Variants in DLC1 observed in about 807,000 individuals in gnomAD.
DLC1 encodes the protein rho GTPase-activating protein 7.
Under a neutral mutation model 140.3 loss-of-function variants are expected in DLC1, and 54 were observed. That is an observed-to-expected ratio of 0.38 (90% confidence interval 0.31 to 0.48). The LOEUF is 0.48. DLC1 is among the 20% of genes least tolerant of loss of function. The pLI is 0.96. For missense variants in DLC1, 2,536 were observed against 1,907.0 expected, an observed-to-expected ratio of 1.33 and a Z score of -6.14; for synonymous variants, 986 against 728.1, an observed-to-expected ratio of 1.35 and a Z score of -5.70.
chr8:13,141,496 G>T (rs965881447), intron 5 of DLC1, among the ~76,000 whole-genome samples: 3 of 152,114 alleles, frequency 2.0e-5, no homozygotes, highest in African/African-American at 4.8e-5. Flanking sequence ...CAGTAAAAAA[G>T]AATGGACTCA....
At chr8:13,361,996 A>C (rs1050964412) in intron 4 of DLC1, among the ~76,000 whole-genome samples, 17 of 152,340 alleles carry the variant, frequency 1.1e-4, no homozygotes, top group Admixed American at 1.1e-3. Flanking sequence ...CAAAGAAATA[A>C]ATTCAAAAGT....
chr8:13,394,782 T>C (rs1245820208), intron 3 of DLC1, among the ~76,000 whole-genome samples: 1 of 152,164 alleles, frequency 6.6e-6, no homozygotes, highest in East Asian at 1.9e-4. Flanking sequence ...TTTAATACAG[T>C]AAGCTGGTGT....
At chr8:13,531,976 G>T (rs970388883) in intron 1 of DLC1, among the ~76,000 whole-genome samples, 2 of 152,278 alleles carry the variant, frequency 1.3e-5, no homozygotes, top group African/African-American at 4.8e-5. Flanking sequence ...AAGACTCTCC[G>T]CTCCCGGCAC....
At chr8:13,556,680 C>T (rs546037287) in intron 1 of DLC1, among the ~76,000 whole-genome samples, 2 of 152,278 alleles carry the variant, frequency 1.3e-5, no homozygotes, top group South Asian at 2.1e-4. Context: ...CCTGACAGGA[C>T]TGCTCTTTTC....
At chr8:13,177,159 A>G (rs1825801044) in intron 5 of DLC1, among the ~76,000 whole-genome samples, 1 of 152,208 alleles carries the variant, frequency 6.6e-6, no homozygotes, top group Admixed American at 6.5e-5. Context: ...ATTATGGGAC[A>G]ATGATATACC....
At chr8:13,523,214 A>C (rs1802813207) in intron 1 of DLC1, among the ~76,000 whole-genome samples, 2 of 152,216 alleles carry the variant, frequency 1.3e-5, no homozygotes, top group Non-Finnish European at 2.9e-5. Flanking sequence ...GATGATGGAT[A>C]GTGGCTCATG....
chr8:13,088,727 A>G (rs1817783481), intron 15 of DLC1, 23 bp from the exon 16 acceptor site: 2 of 1,612,518 alleles, frequency 1.2e-6, no homozygotes, highest in Admixed American at 1.7e-5. Flanking sequence ...TGTATTTTTC[A>G]GTGCCAAGGC....
chr8:13,241,353 G>A (rs976333873), intron 5 of DLC1, among the ~76,000 whole-genome samples: 5 of 152,104 alleles, frequency 3.3e-5, no homozygotes, highest in African/African-American at 9.7e-5. Context: ...CAAATGGGAG[G>A]CAACATCACA....
intron 2 of DLC1, among the ~76,000 whole-genome samples, chr8:13,479,760 C>T (rs1800602454): frequency 5.7e-5 from 1 of 17,554 alleles, no homozygotes; most frequent in African/African-American, 1.1e-4. Flanking sequence ...CAGCAAGAAT[C>T]TGTCTCAGAA....
At chr8:13,249,776 C>A (rs1023728709) in intron 5 of DLC1, among the ~76,000 whole-genome samples, 7 of 152,204 alleles carry the variant, frequency 4.6e-5, no homozygotes, top group African/African-American at 1.7e-4. Flanking sequence ...CCACAACATA[C>A]CATAAACCCA....
At chr8:13,469,473 T>C (rs531667851) in intron 2 of DLC1, among the ~76,000 whole-genome samples, 11 of 152,298 alleles carry the variant, frequency 7.2e-5, no homozygotes, top group Non-Finnish European at 1.5e-4. Flanking sequence ...CTTCAGTTTT[T>C]TCATCAATTT....
In DLC1 at chr8:13,297,282, T is replaced by TAAAAAAAA. The variant is rs60048506; in HGVS notation, c.1348+7979_1348+7986dup. ...CAGGCAAGCAGAGGCCTTCATACAT[T>TAAAAAAAA]AAAAAAAAAAAAAACTGAAGCAAGT... On this transcript the variant is annotated intron_variant, in intron 5 of 17. Coordinates refer to ENST00000276297, the MANE Select transcript of DLC1 (RefSeq NM_182643.3). Among the ~76,000 whole-genome samples, 21 of 9,636 alleles carry TAAAAAAAA rather than the reference T, an allele frequency of 2.2e-3. 7 individuals carry two copies. Among genetic ancestry groups the TAAAAAAAA allele is most frequent in the South Asian group, 0.017 (2 of 118 alleles). 6.3% of individuals were successfully genotyped at this position (9,636 alleles called of 152,430 possible).
chr8:13,350,958 G>C (rs974866302), intron 4 of DLC1, among the ~76,000 whole-genome samples: 2 of 152,092 alleles, frequency 1.3e-5, no homozygotes, highest in Admixed American at 1.3e-4. Flanking sequence ...TCAAATCTCT[G>C]ATGAAATTCA....
At chr8:13,465,875 C>A (rs1799910117) in intron 2 of DLC1, among the ~76,000 whole-genome samples, 1 of 152,094 alleles carries the variant, frequency 6.6e-6, no homozygotes, top group South Asian at 2.1e-4. Flanking sequence ...ATACCAGAAC[C>A]AGGGTTAGTT....
At chr8:13,413,255 G>GTTTTTTTTTTTTTTTTT (rs1461897724) in intron 2 of DLC1, among the ~76,000 whole-genome samples, 24 of 30,134 alleles carry the variant, frequency 8.0e-4, no homozygotes, top group Non-Finnish European at 1.6e-3. Context: ...ATTTTTTTGC[G>GTTTTTTTTTTTTTTTTT]ATTTTTTTTT....
chr8:13,221,276 G>C (rs894885041), intron 5 of DLC1, among the ~76,000 whole-genome samples: 1 of 152,102 alleles, frequency 6.6e-6, no homozygotes, highest in Non-Finnish European at 1.5e-5. Context: ...ATCTAGATTG[G>C]GAAGAGCCCT....
intron 5 of DLC1, among the ~76,000 whole-genome samples, chr8:13,182,281 T>C (rs1826086504): frequency 6.6e-6 from 1 of 152,274 alleles, no homozygotes; most frequent in East Asian, 1.9e-4. Flanking sequence ...GCCTATTCAC[T>C]CTGATTGTAG....
In DLC1 at chr8:13,312,801, C is replaced by G. The variant is rs373084636; in HGVS notation, c.1315-7499G>C. On this transcript the variant is annotated intron_variant, in intron 4 of 17. Coordinates refer to ENST00000276297, the MANE Select transcript of DLC1 (RefSeq NM_182643.3). ...TGTGGTAGCCACTTAGAAATACTGA[C>G]TATTCATAACAGTTTTTGTTTTTTA... Among the ~76,000 whole-genome samples, 26 of 152,154 alleles carry G rather than the reference C, an allele frequency of 1.7e-4. No homozygotes were observed. The East Asian group carries it at 4.6e-3, about 27-fold the overall frequency.
At chr8:13,595,409 G>A (rs76774382) in intron 1 of DLC1, among the ~76,000 whole-genome samples, 11,104 of 151,998 alleles carry the variant, frequency 0.073, 1,033 homozygotes, top group African/African-American at 0.2. Flanking sequence ...AACAGAAATT[G>A]TATATCTTTT....
Sources: gnomAD v4.1 joint callset for allele counts (sites outside exome capture counted in the v4.1 genomes callset) on GRCh38, gnomAD v4.1.1 for gene constraint, MANE v1.5 for transcripts, NCBI Gene and HGNC (gene_info 2026-07-23, HGNC 2026-07-21) for gene names.